The following MEIKIN variants were observed in gnomAD, a reference collection of about 807,000 sequenced individuals.
MEIKIN encodes meiosis-specific kinetochore protein.
At chr5:131,869,497 T>C (rs1580880963) in intron 9 of MEIKIN, among the ~76,000 whole-genome samples, 1 of 152,196 alleles carries the variant, frequency 6.6e-6, no homozygotes, top group Admixed American at 6.5e-5. Context: ...TAGAACCAGT[T>C]TGTCTACCAC....
At chr5:131,871,076 C>A (rs530570484) in intron 9 of MEIKIN, among the ~76,000 whole-genome samples, 1 of 152,202 alleles carries the variant, frequency 6.6e-6, no homozygotes, top group Non-Finnish European at 1.5e-5. Context: ...GCATGAGCGA[C>A]GCAGAAGACG....
At chr5:131,898,247 C>T (rs1041427697) in intron 8 of MEIKIN, among the ~76,000 whole-genome samples, 2 of 152,210 alleles carry the variant, frequency 1.3e-5, no homozygotes, top group Non-Finnish European at 2.9e-5. Context: ...TGCAAAACAG[C>T]AAATATTGCA....
chr5:131,899,414 A>G (rs1751115820), intron 8 of MEIKIN, among the ~76,000 whole-genome samples: 1 of 152,134 alleles, frequency 6.6e-6, no homozygotes, highest in East Asian at 1.9e-4. Context: ...CAAAAAGGAA[A>G]GAAAGAAGGC....
rs1365956969 is a variant in MEIKIN at position 131,896,247 on chromosome 5, G to A, written c.703+15568C>T. ...CTAATTTGATTGCACTGTGGTCTGA[G>A]AGACAGTTTGTGTGATTTCTGTTCT... On this transcript the variant is annotated intron_variant, in intron 8 of 12. Coordinates refer to ENST00000442687, the MANE Select transcript of MEIKIN (RefSeq NM_001303622.2). 2.6e-5 allele frequency among the ~76,000 whole-genome samples: 4 copies of A among 152,182 alleles called. No homozygotes were observed. The East Asian group carries it at 5.8e-4, about 22-fold the overall frequency.
intron 9 of MEIKIN, among the ~76,000 whole-genome samples, chr5:131,874,605 A>C (rs995710559): frequency 1.3e-5 from 2 of 152,236 alleles, no homozygotes; most frequent in African/African-American, 2.4e-5. Flanking sequence ...AAACTATTCC[A>C]ATCAATAGAA....
chr5:131,879,100 T>C, intron 8 of MEIKIN, 52 bp from the exon 9 acceptor site: 1 of 398,002 alleles, frequency 2.5e-6, no homozygotes, highest in Non-Finnish European at 4.4e-6. Flanking sequence ...TGTCATTAAC[T>C]ATGAGTCCAA....
intron 8 of MEIKIN, among the ~76,000 whole-genome samples, chr5:131,884,806 C>T (rs1428721129): frequency 6.6e-6 from 1 of 151,038 alleles, no homozygotes; most frequent in African/African-American, 2.4e-5. Flanking sequence ...GTCCACTGCC[C>T]TGAAGGGTGA....
intron 11 of MEIKIN, among the ~76,000 whole-genome samples, chr5:131,819,807 G>T (rs1197664151): frequency 6.3e-4 from 64 of 101,072 alleles, no homozygotes; most frequent in African/African-American, 2.8e-3. Context: ...ACGGAGTCTC[G>T]CTCTGTCGCC....
At chr5:131,922,489 A>G (rs2149648105) in intron 5 of MEIKIN, among the ~76,000 whole-genome samples, 1 of 152,302 alleles carries the variant, frequency 6.6e-6, no homozygotes, top group South Asian at 2.1e-4. Context: ...TAAAGTATAT[A>G]GGAGGATGTG....
At chr5:131,826,809 G>A (rs1248981351) in intron 11 of MEIKIN, among the ~76,000 whole-genome samples, 1 of 152,042 alleles carries the variant, frequency 6.6e-6, no homozygotes, top group Non-Finnish European at 1.5e-5. Flanking sequence ...ATGATTGTAA[G>A]TTTCCTAAGG....
intron 11 of MEIKIN, among the ~76,000 whole-genome samples, chr5:131,828,035 T>C (rs1749644714): frequency 6.7e-6 from 1 of 148,224 alleles, no homozygotes; most frequent in Non-Finnish European, 1.5e-5. Flanking sequence ...CAAGACCCTG[T>C]CTCAAAAAAA....
At chr5:131,928,645 A>G (rs1351690798) in intron 5 of MEIKIN, among the ~76,000 whole-genome samples, 1 of 152,214 alleles carries the variant, frequency 6.6e-6, no homozygotes, top group Non-Finnish European at 1.5e-5. Flanking sequence ...CAGAACTAAA[A>G]GTGATTTAAT....
At chr5:131,916,214 C>T (rs1751413850) in intron 7 of MEIKIN, among the ~76,000 whole-genome samples, 1 of 152,192 alleles carries the variant, frequency 6.6e-6, no homozygotes, top group Non-Finnish European at 1.5e-5. Flanking sequence ...ATCATCATCT[C>T]TGGTCACCTT....
intron 8 of MEIKIN, among the ~76,000 whole-genome samples, chr5:131,900,212 A>C (rs1310458685): frequency 6.6e-6 from 1 of 152,264 alleles, no homozygotes; most frequent in Non-Finnish European, 1.5e-5. Context: ...GACTAGACAC[A>C]GCCAGGAGGA....
At chr5:131,867,271 A>G (rs890359180) in intron 9 of MEIKIN, among the ~76,000 whole-genome samples, 3 of 152,190 alleles carry the variant, frequency 2.0e-5, no homozygotes, top group African/African-American at 7.2e-5. Context: ...TAGACTTCTC[A>G]TATATCCCCA....
Position 131,880,404 on chromosome 5 carries a change from ATT to A in MEIKIN, c.704-1358_704-1357del, listed in dbSNP as rs57737828. Among the ~76,000 whole-genome samples, 240 of 134,940 alleles carry A rather than the reference ATT, an allele frequency of 1.8e-3. 1 individual carries two copies. The highest frequency in any genetic ancestry group is 7.8e-3 in the Middle Eastern group (2 of 258). The allele number at this position is 134,940 out of a possible 152,430, so 88.5% of individuals were successfully genotyped here. A position where few individuals can be genotyped will look rare whatever the true frequency, so the allele number is the denominator to read the frequency against. ...AGGCGTGAGCCAACGTGCCCGGCCT[ATT>A]TTTTTTTTTTTTTAAGTAGAGACGG... is the stretch of plus-strand genomic sequence containing the variant. On this transcript the variant is annotated intron_variant, in intron 8 of 12. Coordinates refer to ENST00000442687, the MANE Select transcript of MEIKIN (RefSeq NM_001303622.2).
intron 6 of MEIKIN, among the ~76,000 whole-genome samples, chr5:131,917,563 CAA>C (rs546218361): frequency 2.2e-3 from 165 of 76,736 alleles, no homozygotes; most frequent in African/African-American, 5.7e-3. Context: ...TACTCCATCT[CAA>C]AAAAAAAAAA....
In MEIKIN at chr5:131,912,664, G is replaced by A. The variant is rs145074822; in HGVS notation, c.639-785C>T. Among the ~76,000 whole-genome samples, 255 of 152,140 alleles carry A rather than the reference G, an allele frequency of 1.7e-3. 1 individual carries two copies. Among genetic ancestry groups the A allele is most frequent in the African/African-American group, 5.9e-3 (244 of 41,524 alleles). ...TATTCTTTCATATTTCCTTTTAAAC[G>A]TATCCTGTCAAAATAGTACCTTCTC... On this transcript the variant is annotated intron_variant, in intron 7 of 12. Coordinates refer to ENST00000442687, the MANE Select transcript of MEIKIN (RefSeq NM_001303622.2).
chr5:131,818,813 T>A lies in MEIKIN; in HGVS notation c.1026A>T (p.Gly342=). 2.5e-6 allele frequency: 1 copy of A among 398,234 alleles called. No homozygotes were observed. The highest frequency in any genetic ancestry group is 4.4e-6 in the Non-Finnish European group (1 of 225,852). 24.7% of individuals were successfully genotyped at this position (398,234 alleles called of 1,614,324 possible). The part of the protein sequence containing the change: ...EICCIIRTSP[G]TRQVKNKGVI... Reference sequence around the variant, plus strand: ...CACCTTTATTTTTCACTTGTCTAGTTCCTGGTGATGTTCTAATAATACAAC... The same window carrying A: ...CACCTTTATTTTTCACTTGTCTAGTACCTGGTGATGTTCTAATAATACAAC... Residue 342 remains glycine, a synonymous_variant, in exon 12 of 13, where the codon GGA becomes GGT. Transcript: ENST00000442687.
Sources: allele counts gnomAD v4.1 joint callset (sites outside exome capture counted in the v4.1 genomes callset), GRCh38; gene constraint gnomAD v4.1.1; transcripts MANE v1.5; gene names NCBI Gene and HGNC (gene_info 2026-07-23, HGNC 2026-07-21).